Variants in ADAMTS2 observed in about 807,000 individuals in gnomAD.
ADAMTS2 encodes the protein A disintegrin and metalloproteinase with thrombospondin motifs 2.
ADAMTS2 carries 50 observed loss-of-function variants against 123.0 expected under a neutral mutation model. That is an observed-to-expected ratio of 0.41 (90% CI 0.32 to 0.51). ADAMTS2 has a LOEUF of 0.51. Ranked by LOEUF, ADAMTS2 falls within the 20% of genes least tolerant of loss-of-function variation. The pLI, the probability that ADAMTS2 is intolerant of heterozygous loss-of-function variation, is 0.35. For missense variants in ADAMTS2, 1,494 were observed against 1,705.2 expected (o/e 0.88, Z 2.18); for synonymous variants, 678 against 695.4 (o/e 0.98, Z 0.39).
At chr5:179,322,836 A>G (rs1757225052) in intron 2 of ADAMTS2, among the ~76,000 whole-genome samples, 1 of 152,200 alleles carries the variant, frequency 6.6e-6, no homozygotes, top group African/African-American at 2.4e-5. Flanking sequence ...TTAATCTCTC[A>G]CACACAAGCT....
chr5:179,210,119 G>C (rs1180297184), intron 3 of ADAMTS2, among the ~76,000 whole-genome samples: 1 of 152,226 alleles, frequency 6.6e-6, no homozygotes, highest in South Asian at 2.1e-4. Flanking sequence ...CCCAGGGGTA[G>C]CCCGGGTCTG....
chr5:179,322,570 T>A lies in ADAMTS2; in HGVS notation c.534+21197A>T, dbSNP rs114754289. Among the ~76,000 whole-genome samples, 606 of 152,224 alleles carry A rather than the reference T, an allele frequency of 4.0e-3. 2 individuals are homozygous for A. The highest frequency in any genetic ancestry group is 0.014 in the African/African-American group (571 of 41,530). Reference sequence around the variant, plus strand: ...GACACCGGGAGACGCGAGGAGGCCGTGAGCCAATTCCAGATGACTTGTCAA... The same window carrying A: ...GACACCGGGAGACGCGAGGAGGCCGAGAGCCAATTCCAGATGACTTGTCAA... On this transcript the variant is annotated intron_variant, in intron 2 of 21. Transcript: ENST00000251582.
In ADAMTS2 at chr5:179,303,126, T is replaced by C. The variant is rs988004082; in HGVS notation, c.535-30062A>G. Among the ~76,000 whole-genome samples the C allele has an allele frequency of 6.6e-6, 1 of 152,112 alleles. No homozygotes were observed. The highest frequency in any genetic ancestry group is 2.4e-5 in the African/African-American group (1 of 41,412). The stretch of plus-strand genomic sequence containing the variant: ...CCCCTGGAGGGTGGAAGAGACCTGA[T>C]TCCCCTGTCAGTTGCTCTGGGCATG... On this transcript the variant is annotated intron_variant, in intron 2 of 21. Transcript: ENST00000251582. The surrounding 1 kb of genome is among the most constrained non-coding windows in gnomAD (Gnocchi z 4.7).
At chr5:179,301,656 G>C (rs1214120420) in intron 2 of ADAMTS2, among the ~76,000 whole-genome samples, 5 of 152,258 alleles carry the variant, frequency 3.3e-5, no homozygotes, top group Admixed American at 6.5e-5. Context: ...TGAGTAACTG[G>C]GGGAGAGAAG....
Position 179,194,132 on chromosome 5 carries a change from T to C in ADAMTS2, c.892-12977A>G, listed in dbSNP as rs7735613. Among the ~76,000 whole-genome samples the C allele has an allele frequency of 7.7e-3, 1,178 of 152,282 alleles. 16 individuals are homozygous for C. The highest frequency in any genetic ancestry group is 0.027 in the African/African-American group (1,123 of 41,544). On this transcript the variant is annotated intron_variant, in intron 4 of 21. Coordinates refer to ENST00000251582, the MANE Select transcript of ADAMTS2 (RefSeq NM_014244.5). ...CCGCGGGAGGCCAAGGACAGGATGC[T>C]GGGAGGCTTCCACATCAGCTATCAG...
At chr5:179,233,603 G>A (rs1443561782) in intron 3 of ADAMTS2, among the ~76,000 whole-genome samples, 8 of 152,290 alleles carry the variant, frequency 5.3e-5, no homozygotes, top group Middle Eastern at 3.4e-3. Context: ...CAGGAGAATC[G>A]CTTGAACCCG....
Position 179,153,638 on chromosome 5 carries a change from C to A in ADAMTS2, c.1383-15G>T. Reference sequence around the variant, plus strand: ...AGTCATAGGAGCTGTGGGGGACACACGGTGCCGCGAGCAGCCTTCAGCGCG... The same window carrying A: ...AGTCATAGGAGCTGTGGGGGACACAAGGTGCCGCGAGCAGCCTTCAGCGCG... On this transcript the variant is annotated splice_polypyrimidine_tract_variant and intron_variant, in intron 8 of 21. Transcript: ENST00000251582. 6.3e-7 allele frequency: 1 copy of A among 1,598,018 alleles called. No individual in the cohort carries two copies. Among genetic ancestry groups the A allele is most frequent in the Non-Finnish European group, 8.5e-7 (1 of 1,178,544 alleles).
At chr5:179,121,504 G>C (rs1762761311) in intron 21 of ADAMTS2, 157 bp downstream of exon 21, 1 of 547,982 alleles carries the variant, frequency 1.8e-6, no homozygotes, top group Non-Finnish European at 3.1e-6. Context: ...AGCGGACGCC[G>C]AGCTCAGAGG....
Position 179,314,419 on chromosome 5 carries a change from CCGTGG to C in ADAMTS2, c.534+29343_534+29347del, listed in dbSNP as rs145323290. 0.019 allele frequency among the ~76,000 whole-genome samples: 2,923 copies of C among 152,218 alleles called. 90 individuals carry two copies. The highest frequency in any genetic ancestry group is 0.066 in the African/African-American group (2,743 of 41,500). The stretch of plus-strand genomic sequence containing the variant: ...CGGCAAGGCCAGGCTCCTCCCCACC[CCGTGG>C]CGTGGCGTGGCGTGGCCGGAATACT... On this transcript the variant is annotated intron_variant, in intron 2 of 21. Transcript: ENST00000251582. This position sits in a 1 kb window ranked among gnomAD's most constrained non-coding sequence, Gnocchi z 4.5.
At chr5:179,229,323 C>T (rs1387291693) in intron 3 of ADAMTS2, among the ~76,000 whole-genome samples, 4 of 104,774 alleles carry the variant, frequency 3.8e-5, no homozygotes, top group Non-Finnish European at 2.2e-5. Context: ...CCGCTGCCCA[C>T]TCCACAAACA....
intron 2 of ADAMTS2, among the ~76,000 whole-genome samples, chr5:179,334,048 CAGG>C (rs1171031471): frequency 1.3e-5 from 2 of 152,174 alleles, no homozygotes; most frequent in African/African-American, 4.8e-5. Flanking sequence ...TGTTAAGACA[CAGG>C]AGGAGAATGG....
In ADAMTS2 at chr5:179,202,333, C is replaced by G. The variant is rs926987146; in HGVS notation, c.891+5180G>C. 2.0e-5 allele frequency among the ~76,000 whole-genome samples: 3 copies of G among 152,160 alleles called. No homozygotes were observed. The highest frequency in any genetic ancestry group is 2.0e-4 in the Admixed American group (3 of 15,284). On this transcript the variant is annotated intron_variant, in intron 4 of 21. Coordinates refer to ENST00000251582, the MANE Select transcript of ADAMTS2 (RefSeq NM_014244.5). The surrounding 1 kb of genome is among the most constrained non-coding windows in gnomAD (Gnocchi z 4.0). Reference sequence around the variant, plus strand: ...CAGGCGATCCCTATCCTACCTCTTCCCACATCCTTCCGTTGTCGTGAGCCT... The same window carrying G: ...CAGGCGATCCCTATCCTACCTCTTCGCACATCCTTCCGTTGTCGTGAGCCT...
chr5:179,118,047 G>C lies in ADAMTS2; in HGVS notation c.3178+3614C>G, dbSNP rs768760772. Among the ~76,000 whole-genome samples the C allele has an allele frequency of 2.0e-5, 3 of 152,192 alleles. No homozygotes were observed. The highest frequency in any genetic ancestry group is 4.8e-5 in the African/African-American group (2 of 41,444). On this transcript the variant is annotated intron_variant, in intron 21 of 21. Transcript: ENST00000251582. The surrounding 1 kb of genome is among the most constrained non-coding windows in gnomAD (Gnocchi z 4.5). ...CATTGAGTGAGGGGTGGCAGCCCCA[G>C]GTGGGGTCCCCCTTCCACCTGGTCT...
intron 5 of ADAMTS2, among the ~76,000 whole-genome samples, chr5:179,160,284 C>A (rs1422222885): frequency 2.6e-5 from 4 of 152,246 alleles, no homozygotes; most frequent in African/African-American, 7.2e-5. Flanking sequence ...CATGGTGAAA[C>A]CCTGTCTCTA....
chr5:179,158,984 G>C lies in ADAMTS2; in HGVS notation c.976-105C>G. 1.4e-6 allele frequency: 2 copies of C among 1,427,666 alleles called. No homozygotes were observed. The highest frequency in any genetic ancestry group is 2.0e-5 in the Admixed American group (1 of 49,634). 88.4% of individuals were successfully genotyped at this position (1,427,666 alleles called of 1,614,324 possible). On this transcript the variant is annotated intron_variant, in intron 5 of 21. Transcript: ENST00000251582. This position sits in a 1 kb window ranked among gnomAD's most constrained non-coding sequence, Gnocchi z 5.0. Reference sequence around the variant, plus strand: ...GACAGACCCCATCCACTGGGAATCTGTTCCAGGTGGTACAAAGGCCCTGCC... The same window carrying C: ...GACAGACCCCATCCACTGGGAATCTCTTCCAGGTGGTACAAAGGCCCTGCC...
intron 2 of ADAMTS2, among the ~76,000 whole-genome samples, chr5:179,278,858 G>A (rs890894884): frequency 6.6e-6 from 1 of 151,658 alleles, no homozygotes; most frequent in African/African-American, 2.4e-5. Context: ...TCCTTCTATA[G>A]AACCTGCTCC....
chr5:179,217,794 A>AGATAGGCACACTCGCTGGGAGATGGTGTG (rs1189597143), intron 3 of ADAMTS2, among the ~76,000 whole-genome samples: 1 of 91,174 alleles, frequency 1.1e-5, no homozygotes, highest in African/African-American at 3.8e-5. Context: ...GGGATGGCGC[A>AGATAGGCACACTCGCTGGGAGATGGTGTG]AGGGGGGGAT....
chr5:179,333,954 T>C (rs553128907), intron 2 of ADAMTS2, among the ~76,000 whole-genome samples: 3 of 151,918 alleles, frequency 2.0e-5, no homozygotes, highest in African/African-American at 7.3e-5. Context: ...TAGAAGCACA[T>C]GGGATAACAG....
rs1561797356 is a variant in ADAMTS2 at position 179,192,021 on chromosome 5, G to A, written c.892-10866C>T. ...GGGCAGGGGTCCAGCATGCCTAAGT[G>A]GCCCAGGCGTCAGACCCGACCACCT... On this transcript the variant is annotated intron_variant, in intron 4 of 21. Transcript: ENST00000251582. Among the ~76,000 whole-genome samples the A allele has an allele frequency of 3.9e-5, 6 of 152,102 alleles. No homozygotes were observed. In the South Asian group the frequency reaches 6.2e-4, roughly 16 times the overall value.
Sources: gnomAD v4.1 joint callset for allele counts (sites outside exome capture counted in the v4.1 genomes callset) on GRCh38, gnomAD v4.1.1 for gene constraint, Gnocchi (gnomAD v3.1) non-coding constraint, MANE v1.5 for transcripts, NCBI Gene and HGNC (gene_info 2026-07-23, HGNC 2026-07-21) for gene names.